The following DNM3 variants were observed in gnomAD, a reference collection of about 807,000 sequenced individuals.
DNM3 encodes the protein dynamin-3.
Under a neutral mutation model 101.6 loss-of-function variants are expected in DNM3, and 47 were observed. That is an observed-to-expected ratio of 0.46 (90% confidence interval 0.37 to 0.59). DNM3 has a LOEUF of 0.59. DNM3 is among the 20% of genes least tolerant of loss of function. The pLI, the probability that DNM3 is intolerant of heterozygous loss-of-function variation, is 0.00. For missense variants in DNM3, 849 were observed against 1,085.7 expected (o/e 0.78, Z 3.06); for synonymous variants, 385 against 387.9 (o/e 0.99, Z 0.09).
chr1:172,274,633 T>G (rs1285044648), intron 15 of DNM3, among the ~76,000 whole-genome samples: 1 of 152,028 alleles, frequency 6.6e-6, no homozygotes, highest in Non-Finnish European at 1.5e-5. Flanking sequence ...GGTTATTTGC[T>G]TAATATCCTT....
chr1:171,957,052 G>C (rs2042907443), intron 2 of DNM3, among the ~76,000 whole-genome samples: 1 of 152,142 alleles, frequency 6.6e-6, no homozygotes, highest in Non-Finnish European at 1.5e-5. Flanking sequence ...GGGTTGGGGG[G>C]CTGCTGTGAA....
At chr1:171,919,093 C>T (rs116097823) in intron 1 of DNM3, among the ~76,000 whole-genome samples, 1 of 152,154 alleles carries the variant, frequency 6.6e-6, no homozygotes, top group Non-Finnish European at 1.5e-5. Flanking sequence ...TAAAATTTCA[C>T]TCATGGTCCT....
intron 1 of DNM3, among the ~76,000 whole-genome samples, chr1:171,866,994 G>A (rs1313548353): frequency 2.6e-5 from 4 of 152,190 alleles, no homozygotes; most frequent in Non-Finnish European, 4.4e-5. Context: ...TATTTTAAAA[G>A]TTTAGGTGCA....
chr1:171,999,514 G>T (rs1489734902), intron 4 of DNM3, among the ~76,000 whole-genome samples: 2 of 152,080 alleles, frequency 1.3e-5, no homozygotes, highest in Non-Finnish European at 2.9e-5. Flanking sequence ...TCCAGTTCAA[G>T]AGCAGAGTTT....
chr1:172,105,368 T>C (rs2054937273), intron 13 of DNM3, among the ~76,000 whole-genome samples: 1 of 152,204 alleles, frequency 6.6e-6, no homozygotes, highest in Non-Finnish European at 1.5e-5. Context: ...TTAAATAGTT[T>C]ACCCTAGGTC....
At chr1:172,152,264 C>CTTTT (rs746363618) in intron 14 of DNM3, among the ~76,000 whole-genome samples, 93 of 136,500 alleles carry the variant, frequency 6.8e-4, no homozygotes, top group African/African-American at 2.4e-3. Context: ...ACTTCCCTTC[C>CTTTT]TTTTTTTTTT....
At chr1:172,258,552 A>G (rs1194590080) in intron 15 of DNM3, among the ~76,000 whole-genome samples, 2 of 152,068 alleles carry the variant, frequency 1.3e-5, no homozygotes, top group East Asian at 3.8e-4. Flanking sequence ...TTGTTAGTGC[A>G]TAGTTTTTCA....
At chr1:172,325,705 G>T (rs539464869) in intron 17 of DNM3, among the ~76,000 whole-genome samples, 2 of 152,284 alleles carry the variant, frequency 1.3e-5, no homozygotes, top group South Asian at 4.1e-4. Context: ...ATGCTGGAAT[G>T]CTTGTTCTGA....
chr1:172,084,303 T>C (rs2053374373), intron 12 of DNM3, among the ~76,000 whole-genome samples: 4 of 152,160 alleles, frequency 2.6e-5, no homozygotes, highest in African/African-American at 9.7e-5. Flanking sequence ...TGTCTCTCAC[T>C]CTCTCCACAT....
chr1:171,987,258 A>C, intron 2 of DNM3: 1 of 981,104 alleles, frequency 1.0e-6, no homozygotes, highest in Non-Finnish European at 1.2e-6. Flanking sequence ...TTGGCATTCC[A>C]TCCTGATGAA....
At chr1:172,355,227 CA>C (rs541244173) in intron 17 of DNM3, among the ~76,000 whole-genome samples, 153 of 151,796 alleles carry the variant, frequency 1.0e-3, no homozygotes, top group African/African-American at 3.6e-3. Context: ...ATACACAATC[CA>C]ACATTTAAAA....
At chr1:172,306,104 A>G (rs1032660584) in intron 15 of DNM3, among the ~76,000 whole-genome samples, 2 of 152,236 alleles carry the variant, frequency 1.3e-5, no homozygotes, top group African/African-American at 4.8e-5. Flanking sequence ...CCCTGTTTGT[A>G]GATGACATGA....
intron 17 of DNM3, among the ~76,000 whole-genome samples, chr1:172,364,850 G>A (rs1258688322): frequency 6.6e-6 from 1 of 151,848 alleles, no homozygotes; most frequent in African/African-American, 2.4e-5. Flanking sequence ...TCTTGCTACT[G>A]CTCTGGCCAT....
At chr1:172,191,810 T>G (rs982864820) in intron 14 of DNM3, among the ~76,000 whole-genome samples, 7 of 152,132 alleles carry the variant, frequency 4.6e-5, no homozygotes, top group Middle Eastern at 3.4e-3. Flanking sequence ...TGATTTGGCT[T>G]TCTGTTTGTC....
intron 14 of DNM3, among the ~76,000 whole-genome samples, chr1:172,157,996 A>G (rs536396011): frequency 8.5e-5 from 13 of 152,190 alleles, no homozygotes; most frequent in African/African-American, 2.9e-4. Flanking sequence ...AATTTAACAG[A>G]CAAAAATCCT....
rs541221861 is a variant in DNM3, at chr1:172,237,253, A to AT, written c.1660-16311dup. Among the ~76,000 whole-genome samples the AT allele has an allele frequency of 3.1e-3, 466 of 151,184 alleles. 1 individual carries two copies. Among genetic ancestry groups the AT allele is most frequent in the African/African-American group, 0.01 (430 of 41,246 alleles). ...TCTTTGTTCTCATAAAGTTAGGTTT[A>AT]TTTTTTTTTCTTTTTTGAACTTAAG... On this transcript the variant is annotated intron_variant, in intron 14 of 20. Coordinates refer to ENST00000627582, the MANE Select transcript of DNM3 (RefSeq NM_015569.5).
intron 2 of DNM3, among the ~76,000 whole-genome samples, chr1:171,969,466 G>A (rs2043830239): frequency 6.6e-6 from 1 of 152,156 alleles, no homozygotes; most frequent in South Asian, 2.1e-4. Flanking sequence ...GTCTTATTAT[G>A]CAGATAGCAT....
intron 14 of DNM3, among the ~76,000 whole-genome samples, chr1:172,143,972 C>T (rs545638143): frequency 3.9e-5 from 6 of 152,156 alleles, no homozygotes; most frequent in African/African-American, 1.4e-4. Flanking sequence ...AGCAAGTATT[C>T]TTTACTTTGG....
chr1:172,167,233 T>A (rs1023536142), intron 14 of DNM3, among the ~76,000 whole-genome samples: 1 of 152,116 alleles, frequency 6.6e-6, no homozygotes, highest in Non-Finnish European at 1.5e-5. Context: ...TCCATGTCCC[T>A]ACAAAGGACA....
Sources: allele counts gnomAD v4.1 joint callset (sites outside exome capture counted in the v4.1 genomes callset), GRCh38; gene constraint gnomAD v4.1.1; transcripts MANE v1.5; gene names NCBI Gene and HGNC (gene_info 2026-07-23, HGNC 2026-07-21).